ZNF385D: variants seen among roughly 807,000 people sequenced by gnomAD.
The protein encoded by ZNF385D is zinc finger protein 385D.
In ZNF385D, 15 loss-of-function variants were observed where a neutral mutation model predicts 35.8. The observed-to-expected ratio is 0.42, with a 90% CI of 0.28 to 0.64. ZNF385D has a LOEUF of 0.64. Ranked by LOEUF, ZNF385D falls within the 30% of genes least tolerant of loss-of-function variation. The pLI is 0.23. For synonymous variants in ZNF385D, 212 were observed against 186.8 expected, an observed-to-expected ratio of 1.13 and a Z score of -1.10; for missense variants, 474 against 494.6, an observed-to-expected ratio of 0.96 and a Z score of 0.39.
chr3:21,447,586 G>T (rs1295409715), intron 4 of ZNF385D, among the ~76,000 whole-genome samples: 4 of 152,096 alleles, frequency 2.6e-5, no homozygotes. Context: ...CCTTCTGCTG[G>T]CCATGTGCCT....
chr3:21,676,761 A>G (rs2066742173), intron 1 of ZNF385D, among the ~76,000 whole-genome samples: 1 of 151,200 alleles, frequency 6.6e-6, no homozygotes. Flanking sequence ...AGAATTAGAA[A>G]CCAGATAGGG....
intron 3 of ZNF385D, among the ~76,000 whole-genome samples, chr3:22,000,673 A>G (rs1482830476): frequency 2.0e-5 from 3 of 152,168 alleles, no homozygotes; most frequent in African/African-American, 4.8e-5. Context: ...GTCAAATATG[A>G]AAGAACCTCC....
chr3:21,900,503 T>A (rs1699348124), intron 3 of ZNF385D, among the ~76,000 whole-genome samples: 1 of 152,072 alleles, frequency 6.6e-6, no homozygotes. Flanking sequence ...AAAATGTCAA[T>A]TTAAATATAT....
upstream of ZNF385D, among the ~76,000 whole-genome samples, chr3:21,754,106 T>A (rs1326277859): frequency 6.6e-6 from 1 of 152,220 alleles, no homozygotes; most frequent in African/African-American, 2.4e-5. Context: ...AAACCTTGCT[T>A]GATTCCTGTG....
At chr3:22,099,363 G>C (rs1701804750) in intron 3 of ZNF385D, among the ~76,000 whole-genome samples, 1 of 152,120 alleles carries the variant, frequency 6.6e-6, no homozygotes, top group South Asian at 2.1e-4. Flanking sequence ...AAAGGGAGCA[G>C]ACCAGGTATG....
chr3:22,186,018 T>C (rs901603731), intron 2 of ZNF385D, among the ~76,000 whole-genome samples: 12 of 152,196 alleles, frequency 7.9e-5, no homozygotes, highest in Admixed American at 3.9e-4. Context: ...AATATTTTAC[T>C]AAAATTGTAA....
At chr3:21,999,689 C>A (rs1051644996) in intron 3 of ZNF385D, among the ~76,000 whole-genome samples, 1 of 150,714 alleles carries the variant, frequency 6.6e-6, no homozygotes, top group East Asian at 2.0e-4. Context: ...AGCAGTCCAA[C>A]AGATAGCTTC....
rs80053123 is a variant in ZNF385D at position 22,123,121 on chromosome 3, G to C, written c.325+45696C>G. On this transcript the variant is annotated intron_variant, in intron 3 of 5. Coordinates refer to the ZNF385D transcript ENST00000494108. ...ACTCTGGATGATGAGTTGATAGATT[G>C]TTGGGAGTGATTAGAATAGCATAAG... Among the ~76,000 whole-genome samples, 715 of 152,142 alleles carry C rather than the reference G, an allele frequency of 4.7e-3. 4 individuals are homozygous for C. The highest frequency in any genetic ancestry group is 0.015 in the African/African-American group (606 of 41,516).
intron 3 of ZNF385D, among the ~76,000 whole-genome samples, chr3:21,973,926 C>T (rs898915620): frequency 4.6e-5 from 7 of 151,428 alleles, no homozygotes; most frequent in Non-Finnish European, 7.4e-5. Context: ...TTGAAGAGGT[C>T]AAAAAAATGA....
chr3:21,501,100 AAT>A (rs1387009632), intron 4 of ZNF385D, among the ~76,000 whole-genome samples: 1 of 152,080 alleles, frequency 6.6e-6, no homozygotes, highest in Non-Finnish European at 1.5e-5. Flanking sequence ...TGGTTAAACC[AAT>A]CCCACAAGCC....
intron 2 of ZNF385D, among the ~76,000 whole-genome samples, chr3:22,199,633 C>T (rs995863236): frequency 6.6e-6 from 1 of 152,028 alleles, no homozygotes; most frequent in Non-Finnish European, 1.5e-5. Flanking sequence ...CTGTGCTAAT[C>T]CTAGAAGATT....
chr3:21,912,924 T>C (rs761859997), intron 3 of ZNF385D, among the ~76,000 whole-genome samples: 1 of 152,030 alleles, frequency 6.6e-6, no homozygotes, highest in Non-Finnish European at 1.5e-5. Context: ...ATCTAAGAAA[T>C]TGAAACGGTA....
chr3:22,147,698 G>A (rs1037696825), intron 3 of ZNF385D, among the ~76,000 whole-genome samples: 4 of 152,132 alleles, frequency 2.6e-5, no homozygotes, highest in African/African-American at 4.8e-5. Context: ...AGGCCCAAGG[G>A]CATTAAGTAA....
At chr3:21,952,636 T>C (rs905801674) in intron 3 of ZNF385D, among the ~76,000 whole-genome samples, 2 of 151,990 alleles carry the variant, frequency 1.3e-5, no homozygotes, top group Non-Finnish European at 2.9e-5. Context: ...GATAATTAAA[T>C]ACTTCAAATT....
intron 3 of ZNF385D, among the ~76,000 whole-genome samples, chr3:22,122,267 C>A (rs1483926609): frequency 6.6e-6 from 1 of 152,138 alleles, no homozygotes; most frequent in Non-Finnish European, 1.5e-5. Flanking sequence ...AAGTGACAAG[C>A]ATCAGGACCT....
At chr3:22,035,165 T>A (rs1240301697) in intron 3 of ZNF385D, among the ~76,000 whole-genome samples, 1 of 152,214 alleles carries the variant, frequency 6.6e-6, no homozygotes, top group Non-Finnish European at 1.5e-5. Context: ...CTGTGTTAAA[T>A]CACTTGTATC....
intron 2 of ZNF385D, among the ~76,000 whole-genome samples, chr3:21,587,870 C>T (rs944240712): frequency 1.3e-5 from 2 of 152,096 alleles, no homozygotes; most frequent in African/African-American, 2.4e-5. Flanking sequence ...GGATACATAT[C>T]TAAAGGGAAA....
intron 3 of ZNF385D, among the ~76,000 whole-genome samples, chr3:22,044,328 T>C (rs1048669559): frequency 2.6e-5 from 4 of 152,100 alleles, no homozygotes; most frequent in Admixed American, 2.0e-4. Flanking sequence ...ATTTCTCTAA[T>C]GTTTAGTACA....
At chr3:21,423,619 ATGTCCTTGAC>A (rs1700844645) in intron 7 of ZNF385D, among the ~76,000 whole-genome samples, 1 of 152,224 alleles carries the variant, frequency 6.6e-6, no homozygotes, top group Non-Finnish European at 1.5e-5. Context: ...GTTTTATGGA[ATGTCCTTGAC>A]TGTTATTCAA....
Sources: allele counts gnomAD v4.1 joint callset (sites outside exome capture counted in the v4.1 genomes callset), GRCh38; gene constraint gnomAD v4.1.1; transcripts MANE v1.5; gene names NCBI Gene and HGNC (gene_info 2026-07-23, HGNC 2026-07-21).